MYH9: variants seen among roughly 807,000 people sequenced by gnomAD.
The protein encoded by MYH9 is myosin heavy chain 9.
A neutral mutation model predicts 241.9 loss-of-function variants in MYH9; 29 were observed. That is an observed-to-expected ratio of 0.12 (90% CI 0.09 to 0.16). The LOEUF (loss-of-function observed/expected upper bound fraction) is 0.16. MYH9 is among the 10% of genes least tolerant of loss of function. The probability of loss-of-function intolerance (pLI) is 1.00; values close to 1 mark genes in which losing one functional copy is unlikely to be tolerated. For missense variants in MYH9, 1,803 were observed against 2,595.5 expected (o/e 0.69, Z 6.63); for synonymous variants, 1,047 against 1,062.6 (o/e 0.99, Z 0.29).
At chr22:36,313,472 A>AAAAAG (rs771935599) in intron 13 of MYH9, among the ~76,000 whole-genome samples, 179 of 122,892 alleles carry the variant, frequency 1.5e-3, no homozygotes, top group African/African-American at 1.8e-3. Flanking sequence ...AAAAAAAAAA[A>AAAAAG]AAGAAGAAAA....
chr22:36,286,416 C>A (rs867491201), intron 35 of MYH9, among the ~76,000 whole-genome samples: 1 of 152,194 alleles, frequency 6.6e-6, no homozygotes, highest in East Asian at 1.9e-4. Flanking sequence ...ACGGGCAGGG[C>A]GGCCGAGGGG....
intron 1 of MYH9, among the ~76,000 whole-genome samples, chr22:36,362,232 G>A (rs958287650): frequency 3.9e-5 from 6 of 152,100 alleles, no homozygotes; most frequent in African/African-American, 1.2e-4. Context: ...TAAATGACAC[G>A]AGAGGGACAA....
chr22:36,330,786 T>G lies in MYH9; in HGVS notation c.491-3298A>C, dbSNP rs2017409181. Reference sequence around the variant, plus strand: ...TGGCCTGTAAGGACTGAAGGCTTATTTGAAAACGCCCTTCCTTCCTCTAAA... The same window carrying G: ...TGGCCTGTAAGGACTGAAGGCTTATGTGAAAACGCCCTTCCTTCCTCTAAA... On this transcript the variant is annotated intron_variant, in intron 3 of 40. Transcript: ENST00000216181. The surrounding 1 kb of genome is among the most constrained non-coding windows in gnomAD (Gnocchi z 4.5). Among the ~76,000 whole-genome samples, 1 of 152,014 alleles carries G rather than the reference T, an allele frequency of 6.6e-6. No homozygotes were observed. The highest frequency in any genetic ancestry group is 2.4e-5 in the African/African-American group (1 of 41,392).
chr22:36,298,789 G>A (rs1157481220), intron 24 of MYH9, 130 bp downstream of exon 24: 2 of 1,390,188 alleles, frequency 1.4e-6, no homozygotes, highest in Non-Finnish European at 2.0e-6. Context: ...AGCAGCCAGT[G>A]CTGTAGTGTG....
chr22:36,341,776 T>C (rs1331779200), intron 2 of MYH9, among the ~76,000 whole-genome samples: 5 of 152,180 alleles, frequency 3.3e-5, no homozygotes, highest in Admixed American at 1.3e-4. Context: ...TCCAGCCTCA[T>C]AGGTCAGTGA....
At chr22:36,338,147 G>A (rs1035383383) in intron 3 of MYH9, among the ~76,000 whole-genome samples, 4 of 151,932 alleles carry the variant, frequency 2.6e-5, no homozygotes, top group Admixed American at 6.6e-5. Context: ...ACAGGCGTGC[G>A]CCACAATGCC....
chr22:36,301,745 A>C, intron 20 of MYH9, 80 bp from the exon 21 acceptor site: 1 of 1,574,784 alleles, frequency 6.4e-7, no homozygotes, highest in Non-Finnish European at 8.6e-7. Flanking sequence ...CCTCTCCCTC[A>C]CCTCTGGAAA....
At chr22:36,322,628 G>T in intron 5 of MYH9, 107 bp from the exon 6 acceptor site, 2 of 1,116,510 alleles carry the variant, frequency 1.8e-6, no homozygotes, top group East Asian at 2.4e-5. Context: ...CATGTCCAAC[G>T]TGCCAGGAAC....
At position 36,303,908 on chromosome 22, in the gene MYH9, A is replaced by C. The variant is rs2016928411; in HGVS notation, c.2390+87T>G. On this transcript the variant is annotated intron_variant, in intron 19 of 40. Transcript: ENST00000216181. ...CCCTGACAGGCATGTGACTGGCTGC[A>C]GCGGGGTGGCCTGCTAAGTGCCCTT... 10 of 1,505,924 alleles carry C rather than the reference A, an allele frequency of 6.6e-6. No homozygotes were observed. The Admixed American group carries it at 1.7e-4, about 25-fold the overall frequency. The allele number at this position is 1,505,924 out of a possible 1,614,324, so 93.3% of individuals were successfully genotyped here.
At chr22:36,315,690 G>A (rs1421472895) in intron 12 of MYH9, among the ~76,000 whole-genome samples, 1 of 151,922 alleles carries the variant, frequency 6.6e-6, no homozygotes, top group Non-Finnish European at 1.5e-5. Context: ...CGAAGCTGCA[G>A]TGAGCCATGT....
At chr22:36,317,159 G>A (rs543385785) in intron 11 of MYH9, among the ~76,000 whole-genome samples, 4 of 152,284 alleles carry the variant, frequency 2.6e-5, no homozygotes, top group African/African-American at 9.6e-5. Context: ...TAAGACAAAC[G>A]ATGAGCCAAG....
intron 1 of MYH9, among the ~76,000 whole-genome samples, chr22:36,355,005 G>C (rs999198707): frequency 4.4e-5 from 2 of 45,018 alleles, no homozygotes; most frequent in Admixed American, 3.9e-4. Flanking sequence ...ACACACAGAG[G>C]AAAGATCTCC....
Position 36,295,159 on chromosome 22 carries a change from G to A in MYH9, c.3486-83C>T, listed in dbSNP as rs567030502. On this transcript the variant is annotated intron_variant, in intron 26 of 40. Transcript: ENST00000216181. The surrounding 1 kb of genome is among the most constrained non-coding windows in gnomAD (Gnocchi z 4.1). The stretch of plus-strand genomic sequence containing the variant: ...TGGGGCTCTTCCCTGACCAAAGAGA[G>A]GCCTGGCCAGGGCACAGGCACTCCA... The A allele has an allele frequency of 2.4e-5, 38 of 1,591,384 alleles. No homozygotes were observed. In the Admixed American group the frequency reaches 2.5e-4, roughly 10 times the overall value.
intron 1 of MYH9, among the ~76,000 whole-genome samples, chr22:36,370,406 T>C (rs545449996): frequency 2.6e-5 from 4 of 152,314 alleles, no homozygotes; most frequent in Admixed American, 1.3e-4. Flanking sequence ...GTGCTCACCA[T>C]GGGCAAGGCA....
At chr22:36,309,517 TC>T in intron 14 of MYH9, 121 bp from the exon 15 acceptor site, 1 of 731,784 alleles carries the variant, frequency 1.4e-6, no homozygotes, top group Non-Finnish European at 2.5e-6. Flanking sequence ...GACCCTTTGA[TC>T]CAGCATTTCC....
chr22:36,380,744 AAAAAGAAAAG>A (rs150377619), intron 1 of MYH9, among the ~76,000 whole-genome samples: 37 of 151,506 alleles, frequency 2.4e-4, no homozygotes, highest in East Asian at 1.6e-3. Context: ...CTGTCTCCAA[AAAAAGAAAAG>A]AAAAGAAAAG....
chr22:36,315,072 C>G (rs2017129096), intron 12 of MYH9, among the ~76,000 whole-genome samples: 1 of 152,168 alleles, frequency 6.6e-6, no homozygotes, highest in Non-Finnish European at 1.5e-5. Context: ...GAGTGAGCCA[C>G]CGCACCCGGC....
At chr22:36,339,601 G>A (rs1474898276) in intron 3 of MYH9, among the ~76,000 whole-genome samples, 1 of 152,192 alleles carries the variant, frequency 6.6e-6, no homozygotes. Flanking sequence ...GCACAGCGTG[G>A]GTGGTGGAGG....
chr22:36,340,410 C>T (rs1014195812), intron 3 of MYH9, among the ~76,000 whole-genome samples: 1 of 151,782 alleles, frequency 6.6e-6, no homozygotes, highest in East Asian at 1.9e-4. Flanking sequence ...CCTGTAATCC[C>T]AGCACTTTGG....
Sources: gnomAD v4.1 joint callset for allele counts (sites outside exome capture counted in the v4.1 genomes callset) on GRCh38, gnomAD v4.1.1 for gene constraint, Gnocchi (gnomAD v3.1) non-coding constraint, MANE v1.5 for transcripts, NCBI Gene and HGNC (gene_info 2026-07-23, HGNC 2026-07-21) for gene names.